BABAM2: variants seen among roughly 807,000 people sequenced by gnomAD.
BABAM2 encodes BRISC and BRCA1 A complex member 2.
In BABAM2, 31 loss-of-function variants were observed where a neutral mutation model predicts 54.7. The observed-to-expected ratio is 0.57, with a 90% CI of 0.43 to 0.77. The LOEUF is 0.77. Ranked by LOEUF, BABAM2 falls within the 30% of genes least tolerant of loss-of-function variation. The pLI, the probability that BABAM2 is intolerant of heterozygous loss-of-function variation, is 0.00. For missense variants in BABAM2, 364 were observed against 455.8 expected (o/e 0.80, Z 1.83); for synonymous variants, 167 against 162.9 (o/e 1.03, Z -0.19).
chr2:28,220,356 C>G (rs1255813317), intron 7 of BABAM2, among the ~76,000 whole-genome samples: 1 of 152,126 alleles, frequency 6.6e-6, no homozygotes, highest in Non-Finnish European at 1.5e-5. Context: ...AAAAGAAGCT[C>G]TTAATATAAT....
rs1675231164 is a variant in BABAM2 at position 28,021,167 on chromosome 2, CA to C, written c.301-4056del. ...GGGAAATGCTGGGTGAGGGACAGGC[CA>C]AATCAGAGGGTTCCATGGGAGCCAG... On this transcript the variant is annotated intron_variant, in intron 4 of 11. Transcript: ENST00000379624. 2.0e-5 allele frequency among the ~76,000 whole-genome samples: 3 copies of C among 152,104 alleles called. No individual in the cohort carries two copies. In the South Asian group the frequency reaches 6.2e-4, roughly 32 times the overall value.
intron 6 of BABAM2, among the ~76,000 whole-genome samples, chr2:28,049,390 A>G (rs1677836240): frequency 6.6e-6 from 1 of 152,240 alleles, no homozygotes; most frequent in Admixed American, 6.5e-5. Context: ...TTGTTTATGT[A>G]GGCTAAATTG....
intron 7 of BABAM2, among the ~76,000 whole-genome samples, chr2:28,185,779 C>A (rs370962979): frequency 3.3e-5 from 5 of 151,776 alleles, no homozygotes; most frequent in African/African-American, 1.2e-4. Flanking sequence ...AAATTAGAGA[C>A]ATTGTTTAAT....
intron 4 of BABAM2, among the ~76,000 whole-genome samples, chr2:27,997,678 A>T (rs762771046): frequency 1.3e-5 from 2 of 152,242 alleles, no homozygotes; most frequent in Non-Finnish European, 2.9e-5. Flanking sequence ...AACAAGGTAT[A>T]TTAAAAACAT....
chr2:28,276,459 G>A (rs759415056), intron 10 of BABAM2, among the ~76,000 whole-genome samples: 18 of 152,148 alleles, frequency 1.2e-4, no homozygotes, highest in Admixed American at 2.0e-4. Context: ...TTTGTAACGC[G>A]CAGCCGTGGG....
chr2:28,147,365 T>C (rs577797225), intron 7 of BABAM2, among the ~76,000 whole-genome samples: 178 of 152,366 alleles, frequency 1.2e-3, no homozygotes, highest in Middle Eastern at 6.8e-3. Context: ...TTAAGAACTT[T>C]TAAAAACATT....
At chr2:28,072,957 A>T (rs1205954374) in intron 6 of BABAM2, among the ~76,000 whole-genome samples, 1 of 152,314 alleles carries the variant, frequency 6.6e-6, no homozygotes, top group Middle Eastern at 3.4e-3. Context: ...ATTATTTTGA[A>T]ACAAATTCCA....
chr2:28,291,893 G>A lies in BABAM2; in HGVS notation c.935-6445G>A, dbSNP rs570631420. Among the ~76,000 whole-genome samples the A allele has an allele frequency of 3.5e-3, 534 of 152,306 alleles. 2 individuals are homozygous for A. The highest frequency in any genetic ancestry group is 0.012 in the African/African-American group (509 of 41,568). On this transcript the variant is annotated intron_variant, in intron 10 of 11. Coordinates refer to ENST00000379624, the MANE Select transcript of BABAM2 (RefSeq NM_199191.3). ...GTAGGTAGTAAGATCGTGGTTGCTCGGTAAATATATGGCAGTCTTCCCACA... is the reference window on the plus strand; with the variant it reads ...GTAGGTAGTAAGATCGTGGTTGCTCAGTAAATATATGGCAGTCTTCCCACA...
intron 7 of BABAM2, among the ~76,000 whole-genome samples, chr2:28,153,792 T>C (rs1413121819): frequency 2.6e-5 from 4 of 152,212 alleles, no homozygotes; most frequent in African/African-American, 7.2e-5. Flanking sequence ...CACTAAACTT[T>C]AGGAATATCT....
At chr2:28,029,921 G>A (rs1040343234) in intron 5 of BABAM2, among the ~76,000 whole-genome samples, 8 of 152,086 alleles carry the variant, frequency 5.3e-5, no homozygotes, top group African/African-American at 1.7e-4. Context: ...TCTATCCCCA[G>A]CATTTTCCTA....
chr2:27,964,232 G>A (rs1244198187), intron 3 of BABAM2, among the ~76,000 whole-genome samples: 1 of 152,110 alleles, frequency 6.6e-6, no homozygotes, highest in Non-Finnish European at 1.5e-5. Flanking sequence ...ATGTTTCGAT[G>A]CAGCATGAGG....
At chr2:28,235,077 A>C (rs1681774209) in intron 7 of BABAM2, among the ~76,000 whole-genome samples, 1 of 152,252 alleles carries the variant, frequency 6.6e-6, no homozygotes, top group African/African-American at 2.4e-5. Context: ...TGAGTAGAAA[A>C]AGTCAATACT....
At chr2:28,276,259 T>TG (rs1685869652) in intron 10 of BABAM2, among the ~76,000 whole-genome samples, 1 of 152,100 alleles carries the variant, frequency 6.6e-6, no homozygotes, top group Non-Finnish European at 1.5e-5. Flanking sequence ...ATGCAAAAGA[T>TG]GACTAAGCAA....
intron 7 of BABAM2, among the ~76,000 whole-genome samples, chr2:28,233,950 G>GGTC (rs1233394581): frequency 1.5e-5 from 2 of 135,094 alleles, no homozygotes; most frequent in Non-Finnish European, 3.2e-5. Context: ...CTTTGGTGAC[G>GGTC]GTCTGAAGCC....
chr2:28,234,096 G>A (rs1044945484), intron 7 of BABAM2, among the ~76,000 whole-genome samples: 2 of 152,114 alleles, frequency 1.3e-5, no homozygotes, highest in Non-Finnish European at 1.5e-5. Context: ...AGCAGAAACA[G>A]CCTGAACTCC....
intron 3 of BABAM2, among the ~76,000 whole-genome samples, chr2:27,984,734 G>T (rs1461805687): frequency 1.3e-5 from 2 of 151,638 alleles, no homozygotes; most frequent in Non-Finnish European, 2.9e-5. Context: ...GGAACAGGTG[G>T]TGTTTGGTTA....
intron 2 of BABAM2, among the ~76,000 whole-genome samples, chr2:27,905,089 G>T (rs571492998): frequency 6.6e-6 from 1 of 152,208 alleles, no homozygotes; most frequent in Non-Finnish European, 1.5e-5. Flanking sequence ...ACAGAAGTTA[G>T]ATTGAGGTAG....
intron 3 of BABAM2, among the ~76,000 whole-genome samples, chr2:27,942,376 T>C (rs1042022829): frequency 1.3e-5 from 2 of 152,150 alleles, no homozygotes; most frequent in Admixed American, 1.3e-4. Context: ...TATTTATTTT[T>C]TTGAGACAGG....
intron 6 of BABAM2, among the ~76,000 whole-genome samples, chr2:28,076,489 G>GTTAT (rs1664690099): frequency 7.2e-6 from 1 of 138,924 alleles, no homozygotes; most frequent in Non-Finnish European, 1.6e-5. Flanking sequence ...TATTTAGTTA[G>GTTAT]TTAGTTAGTT....
Sources: allele counts gnomAD v4.1 joint callset (sites outside exome capture counted in the v4.1 genomes callset), GRCh38; gene constraint gnomAD v4.1.1; transcripts MANE v1.5; gene names NCBI Gene and HGNC (gene_info 2026-07-23, HGNC 2026-07-21).